Variants in UNC5C observed in about 807,000 individuals in gnomAD.
UNC5C encodes the protein netrin receptor UNC5C.
In UNC5C, 47 loss-of-function variants were observed where a neutral mutation model predicts 99.8. The ratio of observed to expected loss-of-function variants is 0.47; its 90% CI spans 0.37 to 0.60. UNC5C has a LOEUF of 0.60. Ranked by LOEUF, UNC5C falls within the 20% of genes least tolerant of loss-of-function variation. The pLI is 0.00. For synonymous variants in UNC5C, 487 were observed against 452.2 expected, an observed-to-expected ratio of 1.08 and a Z score of -0.98; for missense variants, 1,062 against 1,165.9, an observed-to-expected ratio of 0.91 and a Z score of 1.30.
At chr4:95,289,473 A>G (rs991981516) in intron 3 of UNC5C, among the ~76,000 whole-genome samples, 1 of 152,344 alleles carries the variant, frequency 6.6e-6, no homozygotes. Context: ...CAGCTGCTGT[A>G]CTATGATTCA....
intron 1 of UNC5C, among the ~76,000 whole-genome samples, chr4:95,397,585 CA>C (rs1344556414): frequency 6.6e-6 from 1 of 152,122 alleles, no homozygotes; most frequent in African/African-American, 2.4e-5. Context: ...GTAGAAAAAG[CA>C]CATTGAACAG....
chr4:95,174,548 C>T (rs1284863731), intron 14 of UNC5C, among the ~76,000 whole-genome samples: 11 of 152,080 alleles, frequency 7.2e-5, no homozygotes, highest in East Asian at 3.9e-4. Context: ...TGTAGTTGAG[C>T]GGTTTTGAGT....
chr4:95,390,664 C>T (rs1745331640), intron 1 of UNC5C, among the ~76,000 whole-genome samples: 1 of 152,132 alleles, frequency 6.6e-6, no homozygotes, highest in Non-Finnish European at 1.5e-5. Context: ...AAGAAGGTGA[C>T]ACTTACATAA....
chr4:95,473,434 G>T (rs1191190286), intron 1 of UNC5C, among the ~76,000 whole-genome samples: 5 of 151,996 alleles, frequency 3.3e-5, no homozygotes, highest in African/African-American at 1.2e-4. Flanking sequence ...CTGCTTCTTT[G>T]TATTTTATGA....
chr4:95,226,425 G>A (rs1259968788), intron 7 of UNC5C, among the ~76,000 whole-genome samples: 1 of 152,180 alleles, frequency 6.6e-6, no homozygotes, highest in Non-Finnish European at 1.5e-5. Flanking sequence ...CAGTAATCAA[G>A]AAATGACCAA....
intron 1 of UNC5C, among the ~76,000 whole-genome samples, chr4:95,538,518 T>C (rs953439076): frequency 6.6e-6 from 1 of 152,180 alleles, no homozygotes; most frequent in Non-Finnish European, 1.5e-5. Context: ...GGATTTAGAC[T>C]TGTAATCTGA....
Position 95,245,789 on chromosome 4 carries a change from T to C in UNC5C, c.776-645A>G, listed in dbSNP as rs75141165. 4.6e-4 allele frequency among the ~76,000 whole-genome samples: 70 copies of C among 152,336 alleles called. No individual in the cohort carries two copies. In the East Asian group the frequency reaches 0.012, roughly 26 times the overall value. On this transcript the variant is annotated intron_variant, in intron 5 of 15. Transcript: ENST00000453304. ...GATGTCTGATGGAGCTGTCAGCATA[T>C]GTGATTGTAAAACCTACACCGTAAG...
At position 95,541,843 on chromosome 4, in the gene UNC5C, A is replaced by G. The variant is rs531656166; in HGVS notation, c.124+6891T>C. ...GAAATAAAAAGAGAGAAAACAATAAATAAGAATAGAGTTCAGGCAGTCCAT... is the reference window on the plus strand; with the variant it reads ...GAAATAAAAAGAGAGAAAACAATAAGTAAGAATAGAGTTCAGGCAGTCCAT... On this transcript the variant is annotated intron_variant, in intron 1 of 15. Transcript: ENST00000453304. Among the ~76,000 whole-genome samples the G allele has an allele frequency of 2.0e-5, 3 of 152,286 alleles. No homozygotes were observed. The South Asian group carries it at 6.2e-4, about 32-fold the overall frequency.
chr4:95,175,655 TTCTC>T (rs1436133562), intron 14 of UNC5C, among the ~76,000 whole-genome samples: 1 of 152,140 alleles, frequency 6.6e-6, no homozygotes, highest in Non-Finnish European at 1.5e-5. Context: ...AACCCGACCT[TTCTC>T]TCTGGCTGCC....
At chr4:95,318,263 A>G (rs758569875) in intron 2 of UNC5C, among the ~76,000 whole-genome samples, 1 of 152,096 alleles carries the variant, frequency 6.6e-6, no homozygotes, top group Non-Finnish European at 1.5e-5. Context: ...TGACGTGAAG[A>G]TGGAGGCTGA....
intron 1 of UNC5C, among the ~76,000 whole-genome samples, chr4:95,501,839 CT>C (rs1379621255): frequency 6.6e-6 from 1 of 152,096 alleles, no homozygotes; most frequent in African/African-American, 2.4e-5. Flanking sequence ...TGAATGACCT[CT>C]TTCATGTAAA....
intron 1 of UNC5C, among the ~76,000 whole-genome samples, chr4:95,401,411 C>T (rs1359942121): frequency 6.6e-6 from 1 of 152,030 alleles, no homozygotes; most frequent in Non-Finnish European, 1.5e-5. Context: ...AAGTGATTCT[C>T]CCAATTTAGC....
intron 1 of UNC5C, among the ~76,000 whole-genome samples, chr4:95,417,259 G>C (rs1191412904): frequency 6.6e-6 from 1 of 152,204 alleles, no homozygotes; most frequent in African/African-American, 2.4e-5. Context: ...ATTTTGCCAG[G>C]TGGAGATTTA....
At chr4:95,278,973 A>G (rs1390082042) in intron 3 of UNC5C, among the ~76,000 whole-genome samples, 2 of 152,154 alleles carry the variant, frequency 1.3e-5, no homozygotes, top group South Asian at 2.1e-4. Flanking sequence ...TTGATCATCA[A>G]TTATGATGAT....
chr4:95,442,895 T>G (rs981872663), intron 1 of UNC5C, among the ~76,000 whole-genome samples: 1 of 152,152 alleles, frequency 6.6e-6, no homozygotes, highest in African/African-American at 2.4e-5. Context: ...AGCTTCTTCT[T>G]GTATTATTTA....
chr4:95,290,163 G>T (rs1741390647), intron 3 of UNC5C, among the ~76,000 whole-genome samples: 1 of 151,944 alleles, frequency 6.6e-6, no homozygotes, highest in Non-Finnish European at 1.5e-5. Flanking sequence ...AAAACTAGCA[G>T]AGTATGGTAG....
chr4:95,259,487 C>T (rs1740139966), intron 4 of UNC5C, among the ~76,000 whole-genome samples: 1 of 152,018 alleles, frequency 6.6e-6, no homozygotes, highest in African/African-American at 2.4e-5. Flanking sequence ...AAAGTCCACT[C>T]AATATTAGGT....
chr4:95,356,226 A>AAAAAAAAAAAAAAAC (rs1371053400), intron 1 of UNC5C, among the ~76,000 whole-genome samples: 4 of 144,710 alleles, frequency 2.8e-5, no homozygotes, highest in Admixed American at 7.1e-5. Flanking sequence ...AACAAAAAAA[A>AAAAAAAAAAAAAAAC]AACAGATTCC....
chr4:95,341,240 A>G (rs148061260), intron 1 of UNC5C, among the ~76,000 whole-genome samples: 1 of 152,268 alleles, frequency 6.6e-6, no homozygotes, highest in African/African-American at 2.4e-5. Flanking sequence ...ATATATTACA[A>G]CAAAAGGCAG....
Sources: gnomAD v4.1 joint callset for allele counts (sites outside exome capture counted in the v4.1 genomes callset) on GRCh38, gnomAD v4.1.1 for gene constraint, MANE v1.5 for transcripts, NCBI Gene and HGNC (gene_info 2026-07-23, HGNC 2026-07-21) for gene names.